The following C16orf87 variants were observed in gnomAD, a reference collection of about 807,000 sequenced individuals.
C16orf87 encodes the protein UPF0547 protein C16orf87.
Under a neutral mutation model 21.0 loss-of-function variants are expected in C16orf87, and 13 were observed. That is an observed-to-expected ratio of 0.62 (90% CI 0.40 to 0.98). The LOEUF is 0.98. Among genes scored for constraint, C16orf87 ranks in the 50% least tolerant of loss-of-function variants. The pLI is 0.00. For missense variants in C16orf87, 113 were observed against 180.4 expected (o/e 0.63, Z 2.14); for synonymous variants, 49 against 60.2 (o/e 0.81, Z 0.86).
In C16orf87 at chr16:46,800,668, A is replaced by G. The variant is rs1041119311; in HGVS notation, c.*2284T>C. The G allele has an allele frequency of 3.9e-5, 6 of 152,364 alleles. No homozygotes were observed. The highest frequency in any genetic ancestry group is 1.4e-4 in the African/African-American group (6 of 41,596). 9.4% of individuals were successfully genotyped at this position (152,364 alleles called of 1,614,324 possible). On this transcript the variant is annotated 3_prime_UTR_variant, in exon 4 of 4. Coordinates refer to ENST00000285697, the MANE Select transcript of C16orf87 (RefSeq NM_001001436.4). ...AGTAAAGAACTATAATTATACTCTT[A>G]GGACATCTGCTGATGACAGAGGTTT... is the stretch of plus-strand genomic sequence containing the variant.
chr16:46,817,916 C>CAAAAAAAAAAAA (rs1056745014), intron 2 of C16orf87, among the ~76,000 whole-genome samples: 97 of 68,036 alleles, frequency 1.4e-3, no homozygotes, highest in East Asian at 2.0e-3. Context: ...CATCAAAAAG[C>CAAAAAAAAAAAA]AAAAAAAAAA....
chr16:46,821,470 T>C (rs1447713888), intron 2 of C16orf87, among the ~76,000 whole-genome samples: 1 of 152,230 alleles, frequency 6.6e-6, no homozygotes, highest in Non-Finnish European at 1.5e-5. Context: ...GTTTTGTTGC[T>C]GGTTCTTCCT....
intron 3 of C16orf87, among the ~76,000 whole-genome samples, chr16:46,804,215 G>T (rs997347802): frequency 6.6e-6 from 1 of 152,274 alleles, no homozygotes; most frequent in East Asian, 1.9e-4. Flanking sequence ...ATCGCTCCAA[G>T]TCTTCCAACC....
rs758468161 is a variant in C16orf87, at chr16:46,830,307, A to AGAGAGAGAGAGAGAGAGAGT, written c.66+776_66+777insACTCTCTCTCTCTCTCTCTC. The stretch of plus-strand genomic sequence containing the variant: ...GAGAGAGAGAGAGAGAGAGAGAGAG[A>AGAGAGAGAGAGAGAGAGAGT]GACACACAGAGACATTCAGACAGAC... On this transcript the variant is annotated intron_variant, in intron 1 of 3. Transcript: ENST00000285697. Among the ~76,000 whole-genome samples, 272 of 109,214 alleles carry AGAGAGAGAGAGAGAGAGAGT rather than the reference A, an allele frequency of 2.5e-3. 33 individuals are homozygous for AGAGAGAGAGAGAGAGAGAGT. Among genetic ancestry groups the AGAGAGAGAGAGAGAGAGAGT allele is most frequent in the East Asian group, 5.9e-3 (22 of 3,728 alleles). 71.6% of individuals were successfully genotyped at this position (109,214 alleles called of 152,430 possible).
At chr16:46,809,553 T>C (rs756755063) in intron 3 of C16orf87, 50 bp downstream of exon 3, 20 of 1,295,812 alleles carry the variant, frequency 1.5e-5, no homozygotes, top group African/African-American at 1.3e-4. Flanking sequence ...CTAATTAAGA[T>C]CCCAGATCAA....
At chr16:46,811,605 A>C (rs1968087849) in intron 2 of C16orf87, among the ~76,000 whole-genome samples, 1 of 151,848 alleles carries the variant, frequency 6.6e-6, no homozygotes, top group African/African-American at 2.4e-5. Context: ...AAAAATTCCA[A>C]TCTCTCCAGC....
chr16:46,830,307 A>AGAGAGAGAGAGAGAGAGAGAGGGT (rs758468161), intron 1 of C16orf87, among the ~76,000 whole-genome samples: 1 of 109,142 alleles, frequency 9.2e-6, no homozygotes, highest in East Asian at 2.7e-4. Flanking sequence ...AGAGAGAGAG[A>AGAGAGAGAGAGAGAGAGAGAGGGT]GACACACAGA....
intron 1 of C16orf87, among the ~76,000 whole-genome samples, chr16:46,826,299 A>G (rs1959616783): frequency 6.6e-6 from 1 of 152,364 alleles, no homozygotes; most frequent in Non-Finnish European, 1.5e-5. Context: ...ATGTTCACCA[A>G]AAGTCTGAAA....
intron 3 of C16orf87, 80 bp downstream of exon 3, chr16:46,809,523 T>C: frequency 2.2e-6 from 2 of 890,432 alleles, no homozygotes. Context: ...GCTCAATGCC[T>C]CCACTTTCTT....
intron 2 of C16orf87, among the ~76,000 whole-genome samples, chr16:46,820,142 A>G (rs1363630669): frequency 2.6e-5 from 4 of 152,222 alleles, no homozygotes; most frequent in Non-Finnish European, 5.9e-5. Context: ...CATGACTTTT[A>G]AACAATTCAT....
Position 46,801,658 on chromosome 16 carries a change from A to G in C16orf87, c.*1294T>C, listed in dbSNP as rs977836762. 7 of 152,226 alleles carry G rather than the reference A, an allele frequency of 4.6e-5. No individual in the cohort carries two copies. The highest frequency in any genetic ancestry group is 1.7e-4 in the African/African-American group (7 of 41,466). The allele number at this position is 152,226 out of a possible 1,614,324, so 9.4% of individuals were successfully genotyped here. ...TCTTAAGCTCCCTCTGCTGGTTACCATTTAAATAAAGTAGGAAAAAATGTT... is the reference window on the plus strand; with the variant it reads ...TCTTAAGCTCCCTCTGCTGGTTACCGTTTAAATAAAGTAGGAAAAAATGTT... On this transcript the variant is annotated 3_prime_UTR_variant, in exon 4 of 4. Coordinates refer to ENST00000285697, the MANE Select transcript of C16orf87 (RefSeq NM_001001436.4).
rs1035045803 is a variant in C16orf87, at chr16:46,802,613, T to C, written c.*339A>G. ...AACCTGAAAACAATCAAGCATCTTA[T>C]TACCCTAGTTTTCATACCTACCCCA... On this transcript the variant is annotated 3_prime_UTR_variant, in exon 4 of 4. Transcript: ENST00000285697. 1 of 168,100 alleles carries C rather than the reference T, an allele frequency of 5.9e-6. No homozygotes were observed. Among genetic ancestry groups the C allele is most frequent in the African/African-American group, 2.4e-5 (1 of 42,152 alleles). The allele number at this position is 168,100 out of a possible 1,614,324, so 10.4% of individuals were successfully genotyped here.
intron 2 of C16orf87, among the ~76,000 whole-genome samples, chr16:46,815,170 T>G (rs1474089390): frequency 6.6e-6 from 1 of 152,150 alleles, no homozygotes; most frequent in Non-Finnish European, 1.5e-5. Context: ...ATCTACACAA[T>G]GTAGCATAAT....
chr16:46,811,477 T>C (rs181103438), intron 2 of C16orf87, among the ~76,000 whole-genome samples: 2 of 134,076 alleles, frequency 1.5e-5, no homozygotes, highest in East Asian at 4.3e-4. Flanking sequence ...TATTACAGCA[T>C]GAGCAACAAA....
rs368214372 is a variant in C16orf87 at position 46,798,210 on chromosome 16, C to T, written c.*4742G>A. On this transcript the variant is annotated 3_prime_UTR_variant, in exon 4 of 4. Coordinates refer to ENST00000285697, the MANE Select transcript of C16orf87 (RefSeq NM_001001436.4). ...TTAAAACAGAAAAACAGCAAAATAT[C>T]AATAAACCAGAGCAGGTTCTTACAA... The T allele has an allele frequency of 1.3e-5, 2 of 152,186 alleles. No individual in the cohort carries two copies. Among genetic ancestry groups the T allele is most frequent in the East Asian group, 1.9e-4 (1 of 5,200 alleles). The allele number at this position is 152,186 out of a possible 1,614,324, so 9.4% of individuals were successfully genotyped here. A position where few individuals can be genotyped will look rare whatever the true frequency, so the allele number is the denominator to read the frequency against.
chr16:46,825,532 G>C (rs1382871006), intron 1 of C16orf87, among the ~76,000 whole-genome samples: 1 of 152,126 alleles, frequency 6.6e-6, no homozygotes, highest in Non-Finnish European at 1.5e-5. Context: ...ATGGAAAATT[G>C]GGTATTCAAC....
chr16:46,824,447 G>A lies in C16orf87; in HGVS notation c.102C>T (p.Tyr34=), dbSNP rs1422452901. The A allele has an allele frequency of 3.2e-6, 5 of 1,578,838 alleles. No individual in the cohort carries two copies. The highest frequency in any genetic ancestry group is 2.7e-5 in the African/African-American group (2 of 73,796). Reference sequence around the variant, plus strand: ...TTAAAAGTTTTCTGCTAATAAATATGTAACCACAAGGACATGATTTACATG... The same window carrying A: ...TTAAAAGTTTTCTGCTAATAAATATATAACCACAAGGACATGATTTACATG... The part of the protein sequence containing the change: ...PVACKSCPCG[Y]IFISRKLLNA... Residue 34 remains tyrosine (Y), a synonymous_variant, in exon 2 of 4, where the codon TAC becomes TAT. Coordinates refer to ENST00000285697, the MANE Select transcript of C16orf87 (RefSeq NM_001001436.4).
intron 1 of C16orf87, among the ~76,000 whole-genome samples, chr16:46,828,820 T>TA (rs1959731290): frequency 6.6e-6 from 1 of 152,238 alleles, no homozygotes; most frequent in Non-Finnish European, 1.5e-5. Context: ...TTCTGGCTTA[T>TA]AACTAAAAGA....
Position 46,799,859 on chromosome 16 carries a change from A to C in C16orf87, c.*3093T>G, listed in dbSNP as rs1219446055. The C allele has an allele frequency of 6.6e-6, 1 of 152,174 alleles. No homozygotes were observed. The highest frequency in any genetic ancestry group is 1.5e-5 in the Non-Finnish European group (1 of 68,054). 9.4% of individuals were successfully genotyped at this position (152,174 alleles called of 1,614,324 possible). On this transcript the variant is annotated 3_prime_UTR_variant, in exon 4 of 4. Coordinates refer to ENST00000285697, the MANE Select transcript of C16orf87 (RefSeq NM_001001436.4). ...TCATCATGTTGCCCAGGCTGGTCTC[A>C]AACTCCTGGCTTCAAACAACTCTCC...
Sources: allele counts gnomAD v4.1 joint callset (sites outside exome capture counted in the v4.1 genomes callset), GRCh38; gene constraint gnomAD v4.1.1; transcripts MANE v1.5; gene names NCBI Gene and HGNC (gene_info 2026-07-23, HGNC 2026-07-21).